LRP1B: variants seen among roughly 807,000 people sequenced by gnomAD.
LRP1B encodes LDL receptor related protein 1B, also known as low-density lipoprotein receptor-related protein 1B.
A neutral mutation model predicts 556.6 loss-of-function variants in LRP1B; 217 were observed. That is an observed-to-expected ratio of 0.39 (90% confidence interval 0.35 to 0.44). LRP1B has a LOEUF of 0.44. Among genes scored for constraint, LRP1B ranks in the 20% least tolerant of loss-of-function variants. The pLI is 1.00. For missense variants in LRP1B, 5,053 were observed against 5,620.8 expected, an observed-to-expected ratio of 0.90 and a Z score of 3.23; for synonymous variants, 2,047 against 1,865.8, an observed-to-expected ratio of 1.10 and a Z score of -2.50.
At chr2:140,419,373 CATA>C (rs768526633) in intron 66 of LRP1B, among the ~76,000 whole-genome samples, 47 of 152,172 alleles carry the variant, frequency 3.1e-4, no homozygotes, top group Non-Finnish European at 5.1e-4. Flanking sequence ...GTAATAACCT[CATA>C]ATAAGTGTTA....
At chr2:141,841,817 T>G (rs1327797107) in intron 1 of LRP1B, among the ~76,000 whole-genome samples, 1 of 152,158 alleles carries the variant, frequency 6.6e-6, no homozygotes, top group African/African-American at 2.4e-5. Flanking sequence ...CTGAAAATAT[T>G]ACATCATATA....
chr2:141,813,343 T>A (rs1409742546), intron 1 of LRP1B, among the ~76,000 whole-genome samples: 1 of 152,034 alleles, frequency 6.6e-6, no homozygotes, highest in African/African-American at 2.4e-5. Flanking sequence ...ACATTTTAAA[T>A]AGGTGGTCAG....
At position 140,636,575 on chromosome 2, in the gene LRP1B, G is replaced by A. The variant is rs570396018; in HGVS notation, c.6800-34936C>T. 2.0e-5 allele frequency among the ~76,000 whole-genome samples: 3 copies of A among 152,172 alleles called. No homozygotes were observed. In the South Asian group the frequency reaches 6.2e-4, roughly 32 times the overall value. ...AAATCTCATTGTCTATTCTTTAGCA[G>A]CTCATGTATCTCAGTCACTATATTG... On this transcript the variant is annotated intron_variant, in intron 41 of 90. Transcript: ENST00000389484.
rs1558858372 is a variant in LRP1B, at chr2:141,096,679, A to AGG, written c.1014-34407_1014-34406insCC. Among the ~76,000 whole-genome samples, 579 of 88,490 alleles carry AGG rather than the reference A, an allele frequency of 6.5e-3. 64 individuals are homozygous for AGG. Among genetic ancestry groups the AGG allele is most frequent in the East Asian group, 0.023 (42 of 1,804 alleles). The allele number at this position is 88,490 out of a possible 152,430, so 58.1% of individuals were successfully genotyped here. On this transcript the variant is annotated intron_variant, in intron 7 of 90. Coordinates refer to ENST00000389484, the MANE Select transcript of LRP1B (RefSeq NM_018557.3). ...GAGAGAGAGAGAGAGAGAGAGAGAG[A>AGG]GAGAGAGAGAGAAAATAAATAAATA...
intron 41 of LRP1B, among the ~76,000 whole-genome samples, chr2:140,663,210 A>G (rs1685157967): frequency 6.6e-6 from 1 of 152,148 alleles, no homozygotes; most frequent in Non-Finnish European, 1.5e-5. Context: ...CAAAATTCCT[A>G]CTAAGATACT....
chr2:141,409,427 G>T (rs1251340238), intron 3 of LRP1B, among the ~76,000 whole-genome samples: 1 of 152,100 alleles, frequency 6.6e-6, no homozygotes, highest in African/African-American at 2.4e-5. Context: ...ATGAGATTCA[G>T]ATGAGGCAGT....
Position 140,601,436 on chromosome 2 carries a change from A to T in LRP1B, c.6989+14T>A, listed in dbSNP as rs2105197926. On this transcript the variant is annotated intron_variant, in intron 42 of 90. Coordinates refer to ENST00000389484, the MANE Select transcript of LRP1B (RefSeq NM_018557.3). The stretch of plus-strand genomic sequence containing the variant: ...ATAACTATAATGAAGAAATAAAACT[A>T]CACTGTTTCTTACTTTTGACATTCA... The T allele has an allele frequency of 6.4e-7, 1 of 1,574,684 alleles. No homozygotes were observed.
intron 1 of LRP1B, among the ~76,000 whole-genome samples, chr2:141,879,567 A>C (rs1169892929): frequency 4.6e-5 from 7 of 151,880 alleles, no homozygotes; most frequent in Non-Finnish European, 8.8e-5. Flanking sequence ...TTTTTGTCAC[A>C]GAAACTTTCA....
Position 140,625,448 on chromosome 2 carries a change from A to G in LRP1B, c.6800-23809T>C, listed in dbSNP as rs375897801. 9.2e-5 allele frequency among the ~76,000 whole-genome samples: 14 copies of G among 152,330 alleles called. No homozygotes were observed. In the East Asian group the frequency reaches 1.2e-3, roughly 13 times the overall value. On this transcript the variant is annotated intron_variant, in intron 41 of 90. Coordinates refer to ENST00000389484, the MANE Select transcript of LRP1B (RefSeq NM_018557.3). The stretch of plus-strand genomic sequence containing the variant: ...TGTCAAGAGAATAGGAAGATAAGCC[A>G]CAAACTAATAGAATATATTTGCAAA...
chr2:142,081,324 GT>G (rs1035422885), intron 1 of LRP1B, among the ~76,000 whole-genome samples: 59 of 151,526 alleles, frequency 3.9e-4, no homozygotes, highest in Non-Finnish European at 7.4e-4. Context: ...AAATGAGGGA[GT>G]TTTTTTTTCT....
chr2:141,712,407 A>G (rs1332068915), intron 2 of LRP1B, among the ~76,000 whole-genome samples: 1 of 152,074 alleles, frequency 6.6e-6, no homozygotes, highest in Non-Finnish European at 1.5e-5. Flanking sequence ...CCACAGACCT[A>G]GTTATTAATT....
intron 1 of LRP1B, among the ~76,000 whole-genome samples, chr2:142,051,381 T>C (rs1306620550): frequency 6.6e-6 from 1 of 152,074 alleles, no homozygotes; most frequent in Non-Finnish European, 1.5e-5. Context: ...CATATACCTT[T>C]GTAGGATGTT....
At chr2:141,209,211 G>T (rs147261221) in intron 6 of LRP1B, among the ~76,000 whole-genome samples, 1 of 152,130 alleles carries the variant, frequency 6.6e-6, no homozygotes, top group South Asian at 2.1e-4. Context: ...ATCCCCACCC[G>T]TCGTGGGAGG....
intron 3 of LRP1B, among the ~76,000 whole-genome samples, chr2:141,441,589 T>G (rs936194702): frequency 6.6e-6 from 1 of 152,146 alleles, no homozygotes; most frequent in Non-Finnish European, 1.5e-5. Flanking sequence ...AAAGCTCACA[T>G]CAGGAATTTC....
intron 1 of LRP1B, among the ~76,000 whole-genome samples, chr2:142,076,112 C>G (rs974923946): frequency 6.6e-6 from 1 of 152,044 alleles, no homozygotes; most frequent in Non-Finnish European, 1.5e-5. Flanking sequence ...TAAAATGTGA[C>G]CTTTACTGTT....
At chr2:140,396,990 G>C (rs1684283659) in intron 66 of LRP1B, among the ~76,000 whole-genome samples, 1 of 152,062 alleles carries the variant, frequency 6.6e-6, no homozygotes, top group Admixed American at 6.6e-5. Context: ...AAGTATTGGT[G>C]ACTTGCTCAA....
At chr2:141,751,822 G>T (rs1210785500) in intron 2 of LRP1B, among the ~76,000 whole-genome samples, 1 of 150,140 alleles carries the variant, frequency 6.7e-6, no homozygotes, top group Non-Finnish European at 1.5e-5. Context: ...TGAAAATTAA[G>T]AATATAATAG....
intron 2 of LRP1B, among the ~76,000 whole-genome samples, chr2:141,803,310 C>T (rs1400708838): frequency 1.3e-5 from 2 of 151,478 alleles, no homozygotes; most frequent in Admixed American, 1.3e-4. Flanking sequence ...CTACTCTGAC[C>T]CCACTGTACT....
intron 11 of LRP1B, among the ~76,000 whole-genome samples, chr2:141,026,301 G>A (rs981970298): frequency 6.6e-6 from 1 of 151,928 alleles, no homozygotes; most frequent in Admixed American, 6.6e-5. Context: ...CTTTTTATTA[G>A]CTATATTTTC....
Sources: gnomAD v4.1 joint callset for allele counts (sites outside exome capture counted in the v4.1 genomes callset) on GRCh38, gnomAD v4.1.1 for gene constraint, MANE v1.5 for transcripts, NCBI Gene and HGNC (gene_info 2026-07-23, HGNC 2026-07-21) for gene names.